Variants in P4HA1 observed in about 807,000 individuals in gnomAD.
P4HA1 encodes prolyl 4-hydroxylase subunit alpha-1.
In P4HA1, 24 loss-of-function variants were observed where a neutral mutation model predicts 72.8. The ratio of observed to expected loss-of-function variants is 0.33; its 90% confidence interval spans 0.24 to 0.46. The LOEUF is 0.46. P4HA1 is among the 20% of genes least tolerant of loss of function. The pLI is 1.00. For missense variants in P4HA1, 446 were observed against 640.6 expected (o/e 0.70, Z 3.28); for synonymous variants, 201 against 218.8 (o/e 0.92, Z 0.72).
intron 1 of P4HA1, among the ~76,000 whole-genome samples, chr10:73,087,376 C>T (rs1841944820): frequency 6.7e-6 from 1 of 150,272 alleles, no homozygotes; most frequent in African/African-American, 2.4e-5. Flanking sequence ...TCAAGTGATT[C>T]TCGTGTCTCA....
intron 5 of P4HA1, among the ~76,000 whole-genome samples, chr10:73,060,911 A>G (rs2133113161): frequency 6.6e-6 from 1 of 152,320 alleles, no homozygotes; most frequent in African/African-American, 2.4e-5. Context: ...AAACTGATAA[A>G]GAAGACTAAT....
At chr10:73,072,273 T>G in intron 3 of P4HA1, 93 bp from the exon 4 acceptor site, 1 of 1,019,592 alleles carries the variant, frequency 9.8e-7, no homozygotes, top group Non-Finnish European at 1.5e-6. Context: ...ACTAGAAGTT[T>G]TTGAGTTCAA....
intron 2 of P4HA1, among the ~76,000 whole-genome samples, chr10:73,074,499 A>G (rs1841646799): frequency 1.3e-5 from 2 of 152,234 alleles, no homozygotes; most frequent in South Asian, 4.1e-4. Flanking sequence ...TAAATACAAA[A>G]AAAAACTTGT....
chr10:73,094,838 T>A (rs959779511), intron 1 of P4HA1, among the ~76,000 whole-genome samples: 20 of 152,150 alleles, frequency 1.3e-4, no homozygotes, highest in African/African-American at 4.8e-4. Flanking sequence ...TTTGCACTAA[T>A]TTTTTTGGCA....
chr10:73,057,949 G>A (rs1378166296), intron 5 of P4HA1, among the ~76,000 whole-genome samples: 1 of 151,678 alleles, frequency 6.6e-6, no homozygotes, highest in Non-Finnish European at 1.5e-5. Flanking sequence ...AAATTAGCCG[G>A]GCATGGTAGC....
chr10:73,017,393 G>A (rs1356358236), intron 10 of P4HA1, among the ~76,000 whole-genome samples: 1 of 151,928 alleles, frequency 6.6e-6, no homozygotes, highest in Non-Finnish European at 1.5e-5. Context: ...AGAGCACACT[G>A]CAGCCTCAAC....
intron 9 of P4HA1, among the ~76,000 whole-genome samples, chr10:73,036,187 C>CAAA (rs35435004): frequency 1.2e-4 from 10 of 84,158 alleles, no homozygotes; most frequent in South Asian, 3.4e-4. Context: ...AACTCCGTCT[C>CAAA]AAAAAAAAAA....
At chr10:73,065,697 A>T (rs1224517805) in intron 5 of P4HA1, among the ~76,000 whole-genome samples, 2 of 152,190 alleles carry the variant, frequency 1.3e-5, no homozygotes, top group Admixed American at 1.3e-4. Flanking sequence ...GGTAAGTATG[A>T]TGAAAAACCA....
chr10:73,016,221 T>A (rs576072555), intron 11 of P4HA1, among the ~76,000 whole-genome samples: 2 of 152,200 alleles, frequency 1.3e-5, no homozygotes, highest in Non-Finnish European at 2.9e-5. Flanking sequence ...CTTCCCTGAC[T>A]TCAGCAAGAA....
chr10:73,059,423 TTAAAAAAAAA>T (rs2094133483), intron 5 of P4HA1, among the ~76,000 whole-genome samples: 3 of 47,584 alleles, frequency 6.3e-5, no homozygotes, highest in African/African-American at 2.7e-4. Flanking sequence ...GACAATATAT[TTAAAAAAAAA>T]AAAAAAAAAA....
chr10:73,030,444 G>T (rs1469622778), intron 9 of P4HA1, 74 bp from the exon 10 acceptor site: 7 of 692,184 alleles, frequency 1.0e-5, no homozygotes, highest in Non-Finnish European at 1.4e-5. Flanking sequence ...TATTTTTAAA[G>T]CCATAATATT....
intron 9 of P4HA1, among the ~76,000 whole-genome samples, chr10:73,037,559 ATATATATATATATTTTTT>A (rs1389507333): frequency 2.8e-4 from 9 of 32,268 alleles, no homozygotes; most frequent in African/African-American, 1.3e-3. Context: ...ATATATATAT[ATATATATATATATTTTTT>A]TTTTTTTTTT....
chr10:73,058,113 AAAAAAAG>A (rs1841201771), intron 5 of P4HA1, among the ~76,000 whole-genome samples: 1 of 150,580 alleles, frequency 6.6e-6, no homozygotes, highest in African/African-American at 2.5e-5. Context: ...AAAAAAAAAA[AAAAAAAG>A]GTGAATAAAG....
At chr10:73,080,311 C>T (rs981220212) in intron 1 of P4HA1, among the ~76,000 whole-genome samples, 1 of 152,182 alleles carries the variant, frequency 6.6e-6, no homozygotes, top group African/African-American at 2.4e-5. Flanking sequence ...GCTTCTCAAA[C>T]TTTAGCTCTA....
chr10:73,087,660 T>C (rs930389955), intron 1 of P4HA1, among the ~76,000 whole-genome samples: 1 of 152,136 alleles, frequency 6.6e-6, no homozygotes, highest in African/African-American at 2.4e-5. Context: ...TTAGGTTGTT[T>C]ACTTTTTTTA....
intron 2 of P4HA1, among the ~76,000 whole-genome samples, chr10:73,074,223 T>A (rs77957817): frequency 0.2 from 30,739 of 152,130 alleles, 5,607 homozygotes; most frequent in African/African-American, 0.47. Context: ...TTTATTTAAT[T>A]AATAAAAGCC....
At chr10:73,057,698 GCTT>G (rs1228582708) in intron 5 of P4HA1, among the ~76,000 whole-genome samples, 1 of 152,100 alleles carries the variant, frequency 6.6e-6, no homozygotes, top group Non-Finnish European at 1.5e-5. Context: ...ACATTTGAGG[GCTT>G]CTTAACAATG....
At chr10:73,046,278 C>G (rs1309975859) in intron 8 of P4HA1, among the ~76,000 whole-genome samples, 1 of 152,098 alleles carries the variant, frequency 6.6e-6, no homozygotes, top group African/African-American at 2.4e-5. Context: ...ATTTTACTAT[C>G]AAGAAGACCA....
At chr10:73,034,796 G>T (rs1179468882) in intron 9 of P4HA1, among the ~76,000 whole-genome samples, 2 of 151,890 alleles carry the variant, frequency 1.3e-5, no homozygotes, top group East Asian at 3.9e-4. Flanking sequence ...GACCAGGCTG[G>T]TGTCAAACTC....
Sources: gnomAD v4.1 joint callset for allele counts (sites outside exome capture counted in the v4.1 genomes callset) on GRCh38, gnomAD v4.1.1 for gene constraint, MANE v1.5 for transcripts, NCBI Gene and HGNC (gene_info 2026-07-23, HGNC 2026-07-21) for gene names.